FGF13: variants seen among roughly 807,000 people sequenced by gnomAD.
FGF13 encodes fibroblast growth factor 13, also known as fibroblast growth factor homologous factor 2.
A neutral mutation model predicts 19.5 loss-of-function variants in FGF13; 2 were observed. That is an observed-to-expected ratio of 0.10 (90% confidence interval 0.04 to 0.32). The LOEUF is 0.32. Ranked by LOEUF, FGF13 falls within the 10% of genes least tolerant of loss-of-function variation. The probability of loss-of-function intolerance (pLI) is 1.00; values close to 1 mark genes in which losing one functional copy is unlikely to be tolerated. For missense variants in FGF13, 113 were observed against 192.7 expected (o/e 0.59, Z 2.45); for synonymous variants, 72 against 76.9 (o/e 0.94, Z 0.33).
intron 1 of FGF13, among the ~76,000 whole-genome samples, chrX:139,013,479 T>TTA (rs202184653): frequency 3.4e-3 from 241 of 70,862 alleles, no homozygotes; most frequent in African/African-American, 6.9e-3. Context: ...AAAGAAAATT[T>TTA]TATATATATA....
intron 1 of FGF13, among the ~76,000 whole-genome samples, chrX:138,734,953 A>G (rs773559843): frequency 2.6e-4 from 29 of 111,755 alleles, no homozygotes; most frequent in African/African-American, 9.1e-4. Context: ...TCTTGTAGGA[A>G]AGGAAGGAGA....
chrX:138,746,967 A>G (rs926166960), intron 3 of FGF13, among the ~76,000 whole-genome samples: 1 of 111,497 alleles, frequency 9.0e-6, no homozygotes, highest in African/African-American at 3.3e-5. Flanking sequence ...TTTGAAAGGT[A>G]TCAAGTGATT....
intron 3 of FGF13, among the ~76,000 whole-genome samples, chrX:138,666,980 CATA>C (rs2089553995): frequency 9.2e-6 from 1 of 108,791 alleles, no homozygotes. Context: ...GAGGAATAGT[CATA>C]ATAACGAGTA....
chrX:138,798,361 C>T (rs1292391586), intron 3 of FGF13, among the ~76,000 whole-genome samples: 1 of 111,924 alleles, frequency 8.9e-6, no homozygotes, highest in East Asian at 2.8e-4. Flanking sequence ...TGATGGATTA[C>T]ATTGATTGAT....
intron 3 of FGF13, among the ~76,000 whole-genome samples, chrX:138,812,172 T>C (rs940068908): frequency 1.8e-5 from 2 of 111,792 alleles, no homozygotes; most frequent in African/African-American, 3.2e-5. Context: ...CAACATGTGG[T>C]CTTTTGTGAT....
intron 2 of FGF13, among the ~76,000 whole-genome samples, chrX:138,860,695 C>T (rs749096482): frequency 2.7e-5 from 3 of 112,142 alleles, no homozygotes; most frequent in South Asian, 7.4e-4. Flanking sequence ...AAGCTTCCTC[C>T]GATTTCAGAA....
intron 1 of FGF13, among the ~76,000 whole-genome samples, chrX:138,977,295 C>A (rs766092748): frequency 9.8e-5 from 11 of 111,849 alleles, no homozygotes; most frequent in Non-Finnish European, 1.9e-4. Context: ...TTTAAGCTTT[C>A]AAAATATAGT....
chrX:138,718,429 T>A (rs2090124715), intron 1 of FGF13, among the ~76,000 whole-genome samples: 1 of 111,719 alleles, frequency 9.0e-6, no homozygotes. Context: ...GAAGGTGACC[T>A]AAACTCAGTA....
chrX:138,973,401 T>A (rs943142400), intron 1 of FGF13, among the ~76,000 whole-genome samples: 16 of 112,368 alleles, frequency 1.4e-4, no homozygotes, highest in Non-Finnish European at 2.1e-4. Flanking sequence ...TTTTAAAACT[T>A]GCTTGGCAGC....
intron 3 of FGF13, among the ~76,000 whole-genome samples, chrX:138,824,704 AG>A (rs2091022361): frequency 9.9e-5 from 11 of 111,528 alleles, no homozygotes; most frequent in Admixed American, 5.7e-4. Context: ...ATTCCTTCTA[AG>A]TATATTCAAA....
chrX:138,770,453 A>AC (rs2090536639), intron 3 of FGF13, among the ~76,000 whole-genome samples: 1 of 107,065 alleles, frequency 9.3e-6, no homozygotes, highest in East Asian at 3.0e-4. Flanking sequence ...CCTCCCTTCC[A>AC]CCCCCTCTTG....
At chrX:139,065,481 C>CAAAAAAAAAAAAAAAAAA in intron 1 of FGF13, among the ~76,000 whole-genome samples, 1 of 30,778 alleles carries the variant, frequency 3.2e-5, no homozygotes, top group Non-Finnish European at 5.7e-5. Context: ...AAACGGAAAG[C>CAAAAAAAAAAAAAAAAAA]AAAAAAAAAA....
chrX:138,707,310 T>A (rs1306638001), intron 2 of FGF13, among the ~76,000 whole-genome samples: 1 of 110,892 alleles, frequency 9.0e-6, no homozygotes, highest in Non-Finnish European at 1.9e-5. Context: ...GAACACCAGA[T>A]CCAAAATATT....
At chrX:139,159,725 G>C (rs2084013070) in intron 1 of FGF13, among the ~76,000 whole-genome samples, 1 of 103,874 alleles carries the variant, frequency 9.6e-6, no homozygotes, top group African/African-American at 3.6e-5. Context: ...AACCAACAAA[G>C]ATCAAAAAAG....
At chrX:138,653,045 C>T (rs2089393718) in intron 3 of FGF13, among the ~76,000 whole-genome samples, 1 of 111,680 alleles carries the variant, frequency 9.0e-6, no homozygotes, top group Non-Finnish European at 1.9e-5. Context: ...AGTAAAACAT[C>T]GAAAGCAGGT....
chrX:139,096,652 G>A (rs1339431855), intron 1 of FGF13, among the ~76,000 whole-genome samples: 2 of 111,873 alleles, frequency 1.8e-5, no homozygotes, highest in Non-Finnish European at 3.8e-5. Context: ...AATAAAAGGA[G>A]TAATACAAGA....
At chrX:139,002,922 T>C (rs1204025194) in intron 1 of FGF13, among the ~76,000 whole-genome samples, 4 of 111,978 alleles carry the variant, frequency 3.6e-5, no homozygotes, top group Non-Finnish European at 5.6e-5. Context: ...CTAAGACTTA[T>C]TGACTTCAGG....
At chrX:138,939,579 C>A in intron 1 of FGF13, among the ~76,000 whole-genome samples, 1 of 111,166 alleles carries the variant, frequency 9.0e-6, no homozygotes, top group Middle Eastern at 4.6e-3. Context: ...CCAACCCCCA[C>A]CCTCAGGTAG....
At chrX:139,110,592 A>G (rs1054976379) in intron 1 of FGF13, among the ~76,000 whole-genome samples, 3 of 111,874 alleles carry the variant, frequency 2.7e-5, no homozygotes, top group African/African-American at 6.5e-5. Flanking sequence ...TGAGTTCATT[A>G]AACCTATTTT....
Sources: gnomAD v4.1 joint callset for allele counts (sites outside exome capture counted in the v4.1 genomes callset) on GRCh38, gnomAD v4.1.1 for gene constraint, MANE v1.5 for transcripts, NCBI Gene and HGNC (gene_info 2026-07-23, HGNC 2026-07-21) for gene names.